CSMD1: variants seen among roughly 807,000 people sequenced by gnomAD.
CSMD1 encodes the protein CUB and sushi domain-containing protein 1.
A neutral mutation model predicts 417.5 loss-of-function variants in CSMD1; 213 were observed. That is an observed-to-expected ratio of 0.51 (90% CI 0.46 to 0.57). The LOEUF is 0.57. Among genes scored for constraint, CSMD1 ranks in the 20% least tolerant of loss-of-function variants. The probability of loss-of-function intolerance (pLI) is 0.00; values close to 1 mark genes in which losing one functional copy is unlikely to be tolerated. For missense variants in CSMD1, 6,923 were observed against 4,529.7 expected (o/e 1.53, Z -15.17); for synonymous variants, 2,862 against 1,736.8 (o/e 1.65, Z -16.11).
Position 3,953,530 on chromosome 8 carries a change from C to G in CSMD1, c.818+44373G>C, listed in dbSNP as rs1022684408. ...ACTGGGAAAAGATAATGACATTGCC[C>G]TGAGTGGAGTTTTACAGCTTCAGGA... On this transcript the variant is annotated intron_variant, in intron 5 of 69. Transcript: ENST00000635120. Among the ~76,000 whole-genome samples the G allele has an allele frequency of 2.0e-5, 3 of 152,032 alleles. No individual in the cohort carries two copies. The East Asian group carries it at 5.8e-4, about 29-fold the overall frequency.
intron 12 of CSMD1, among the ~76,000 whole-genome samples, chr8:3,441,333 G>T (rs572355401): frequency 2.0e-5 from 3 of 152,132 alleles, no homozygotes; most frequent in East Asian, 1.9e-4. Context: ...ACTAATAGGG[G>T]TGTTGAATTT....
chr8:3,294,859 G>A (rs1471648708), intron 25 of CSMD1, among the ~76,000 whole-genome samples: 1 of 152,114 alleles, frequency 6.6e-6, no homozygotes, highest in Non-Finnish European at 1.5e-5. Flanking sequence ...ACTCCCCAGT[G>A]AGATGTACCC....
At chr8:3,415,605 C>G (rs1469413620) in intron 12 of CSMD1, among the ~76,000 whole-genome samples, 1 of 152,172 alleles carries the variant, frequency 6.6e-6, no homozygotes, top group Non-Finnish European at 1.5e-5. Flanking sequence ...GTGATCTGCC[C>G]TCCTCTAGCC....
intron 18 of CSMD1, 88 bp downstream of exon 18, chr8:3,387,406 C>A (rs1324830492): frequency 1.3e-5 from 15 of 1,151,530 alleles, no homozygotes; most frequent in Non-Finnish European, 1.7e-5. Context: ...GTACCACCCC[C>A]TGAAATACAC....
At chr8:4,975,462 T>A (rs962808503) in intron 1 of CSMD1, among the ~76,000 whole-genome samples, 2 of 152,210 alleles carry the variant, frequency 1.3e-5, no homozygotes, top group African/African-American at 4.8e-5. Context: ...ATCAATCTGA[T>A]AGCCACTAAA....
intron 23 of CSMD1, among the ~76,000 whole-genome samples, chr8:3,340,559 T>C (rs1807580477): frequency 6.6e-6 from 1 of 152,188 alleles, no homozygotes; most frequent in African/African-American, 2.4e-5. Flanking sequence ...GAAAGTGTCT[T>C]TACACAGTCT....
chr8:3,739,888 A>G (rs1230158919), intron 6 of CSMD1, among the ~76,000 whole-genome samples: 3 of 152,198 alleles, frequency 2.0e-5, no homozygotes, highest in Admixed American at 2.0e-4. Context: ...TCCAGTAAAT[A>G]ATGCTGGTTG....
intron 6 of CSMD1, among the ~76,000 whole-genome samples, chr8:3,722,023 G>A (rs938377293): frequency 6.6e-6 from 1 of 152,132 alleles, no homozygotes; most frequent in African/African-American, 2.4e-5. Flanking sequence ...GTTGGCACAG[G>A]TTGTACAAGT....
chr8:4,290,314 T>C (rs886969567), intron 3 of CSMD1, among the ~76,000 whole-genome samples: 1 of 152,046 alleles, frequency 6.6e-6, no homozygotes, highest in Non-Finnish European at 1.5e-5. Flanking sequence ...AAATTTCAGA[T>C]GGTCGTGTTT....
At chr8:3,783,973 A>G (rs890118515) in intron 5 of CSMD1, among the ~76,000 whole-genome samples, 3 of 152,178 alleles carry the variant, frequency 2.0e-5, no homozygotes, top group African/African-American at 4.8e-5. Context: ...TGGGCAAATT[A>G]CTTCCTCTTC....
chr8:3,470,281 A>C (rs561892085), intron 11 of CSMD1, among the ~76,000 whole-genome samples: 2 of 152,294 alleles, frequency 1.3e-5, no homozygotes, highest in African/African-American at 2.4e-5. Flanking sequence ...CATTTACTTC[A>C]ATTTCTACAT....
At chr8:4,449,294 G>C (rs1426951924) in intron 2 of CSMD1, among the ~76,000 whole-genome samples, 1 of 152,268 alleles carries the variant, frequency 6.6e-6, no homozygotes, top group South Asian at 2.1e-4. Context: ...TGTTTTACCA[G>C]GAGCAGATGA....
At chr8:4,061,074 G>C (rs1451202638) in intron 3 of CSMD1, among the ~76,000 whole-genome samples, 2 of 142,216 alleles carry the variant, frequency 1.4e-5, no homozygotes, top group Admixed American at 7.3e-5. Context: ...CATTTAATTT[G>C]TTTGTTGTAT....
chr8:3,897,379 C>T lies in CSMD1; in HGVS notation c.818+100524G>A, dbSNP rs138674643. 1.5e-3 allele frequency among the ~76,000 whole-genome samples: 225 copies of T among 152,256 alleles called. 1 individual carries two copies. Among genetic ancestry groups the T allele is most frequent in the Admixed American group, 0.014 (210 of 15,294 alleles). The stretch of plus-strand genomic sequence containing the variant: ...TAACAGTGATTCCTACATTTGAATA[C>T]GTGTGGGCCAATTATAAAACAAAAT... On this transcript the variant is annotated intron_variant, in intron 5 of 69. Transcript: ENST00000635120.
At chr8:3,794,941 T>C (rs1309504608) in intron 5 of CSMD1, among the ~76,000 whole-genome samples, 1 of 152,072 alleles carries the variant, frequency 6.6e-6, no homozygotes, top group South Asian at 2.1e-4. Context: ...TTCTAATGTA[T>C]AGCTATAGAT....
At chr8:3,942,693 C>G (rs1253163891) in intron 5 of CSMD1, among the ~76,000 whole-genome samples, 1 of 152,146 alleles carries the variant, frequency 6.6e-6, no homozygotes, top group Non-Finnish European at 1.5e-5. Context: ...CCCTAATGCC[C>G]TTTTAAATTT....
In CSMD1 at chr8:4,596,113, A is replaced by G. The variant is rs569991668; in HGVS notation, c.302+41229T>C. 3.3e-5 allele frequency among the ~76,000 whole-genome samples: 5 copies of G among 152,280 alleles called. No individual in the cohort carries two copies. The East Asian group carries it at 9.7e-4, about 30-fold the overall frequency. Reference sequence around the variant, plus strand: ...CCTGTGTGTTACTGCAATTGTAATAATGAATGTAGTTCCAGTATCTAAAAA... The same window carrying G: ...CCTGTGTGTTACTGCAATTGTAATAGTGAATGTAGTTCCAGTATCTAAAAA... On this transcript the variant is annotated intron_variant, in intron 2 of 69. Coordinates refer to ENST00000635120, the MANE Select transcript of CSMD1 (RefSeq NM_033225.6).
At chr8:3,693,947 T>A (rs1472747351) in intron 7 of CSMD1, among the ~76,000 whole-genome samples, 1 of 150,344 alleles carries the variant, frequency 6.7e-6, no homozygotes, top group East Asian at 2.0e-4. Context: ...GCGTCGTGTG[T>A]TGGATATAGG....
intron 3 of CSMD1, among the ~76,000 whole-genome samples, chr8:4,231,160 A>C (rs2128813974): frequency 6.6e-6 from 1 of 152,346 alleles, no homozygotes; most frequent in East Asian, 1.9e-4. Flanking sequence ...ATATTGATAT[A>C]GTGAAATGTT....
Sources: gnomAD v4.1 joint callset for allele counts (sites outside exome capture counted in the v4.1 genomes callset) on GRCh38, gnomAD v4.1.1 for gene constraint, MANE v1.5 for transcripts, NCBI Gene and HGNC (gene_info 2026-07-23, HGNC 2026-07-21) for gene names.